Variants in COL26A1 observed in about 807,000 individuals in gnomAD.
COL26A1 encodes collagen alpha-1(XXVI) chain.
Under a neutral mutation model 59.3 loss-of-function variants are expected in COL26A1, and 41 were observed. That is an observed-to-expected ratio of 0.69 (90% CI 0.54 to 0.90). The LOEUF is 0.90. Ranked by LOEUF, COL26A1 falls within the 40% of genes least tolerant of loss-of-function variation. The probability of loss-of-function intolerance (pLI) is 0.00; values close to 1 mark genes in which losing one functional copy is unlikely to be tolerated. For synonymous variants in COL26A1, 266 were observed against 256.0 expected (o/e 1.04, Z -0.37); for missense variants, 612 against 602.3 (o/e 1.02, Z -0.17).
In COL26A1 at chr7:101,522,648, A is replaced by G. The variant is rs75190643; in HGVS notation, c.386-10434A>G. On this transcript the variant is annotated intron_variant, in intron 3 of 12. Coordinates refer to ENST00000313669, the MANE Select transcript of COL26A1 (RefSeq NM_001278563.3). ...TTATTATATCCTGGCTTGTATTTTC[A>G]TGGGAAGGGAGGAGATATCTGGGAA... 9.2e-5 allele frequency among the ~76,000 whole-genome samples: 14 copies of G among 152,214 alleles called. No individual in the cohort carries two copies. In the East Asian group the frequency reaches 9.6e-4, roughly 10 times the overall value.
At position 101,371,858 on chromosome 7, in the gene COL26A1, C is replaced by G. The variant is rs956729353; in HGVS notation, c.158+8668C>G. On this transcript the variant is annotated intron_variant, in intron 1 of 12. Coordinates refer to ENST00000313669, the MANE Select transcript of COL26A1 (RefSeq NM_001278563.3). ...GAGCTCAGAGACTGGTTGGGGAAAA[C>G]AGATCCATGAGCAAGAGTGGAATTT... Among the ~76,000 whole-genome samples, 76 of 152,090 alleles carry G rather than the reference C, an allele frequency of 5.0e-4. 1 individual carries two copies. Among genetic ancestry groups the G allele is most frequent in the Admixed American group, 1.1e-3 (17 of 15,258 alleles).
intron 2 of COL26A1, among the ~76,000 whole-genome samples, chr7:101,434,386 T>C (rs1055504595): frequency 3.3e-5 from 5 of 151,768 alleles, no homozygotes; most frequent in Admixed American, 6.6e-5. Context: ...CCCGAGTAGC[T>C]GGGACTACAG....
At position 101,408,966 on chromosome 7, in the gene COL26A1, C is replaced by G. The variant is rs115964356; in HGVS notation, c.159-11011C>G. On this transcript the variant is annotated intron_variant, in intron 1 of 12. Coordinates refer to ENST00000313669, the MANE Select transcript of COL26A1 (RefSeq NM_001278563.3). ...ACGTGCCAAGACCCAGATCGTCTGG[C>G]TGTTTAGCAAAGTGTCTAAGAGTTG... Among the ~76,000 whole-genome samples, 1,034 of 152,352 alleles carry G rather than the reference C, an allele frequency of 6.8e-3. 13 individuals are homozygous for G. The highest frequency in any genetic ancestry group is 0.023 in the African/African-American group (974 of 41,592).
At chr7:101,500,243 G>C (rs1041422922) in intron 3 of COL26A1, among the ~76,000 whole-genome samples, 23 of 147,128 alleles carry the variant, frequency 1.6e-4, no homozygotes, top group African/African-American at 5.3e-4. Context: ...ATTGCCGGGA[G>C]GGGGGGCAAG....
intron 1 of COL26A1, among the ~76,000 whole-genome samples, chr7:101,364,306 C>T (rs73713875): frequency 0.025 from 3,827 of 152,008 alleles, 153 homozygotes; most frequent in African/African-American, 0.08. Flanking sequence ...AATGCACTAC[C>T]TGTGTCTGTT....
Position 101,545,429 on chromosome 7 carries a change from C to A in COL26A1, c.795C>A (p.Gly265=). The change falls in exon 7 of 13, where the codon GGC becomes GGA. Residue 265 remains glycine (G), a synonymous_variant. Coordinates refer to ENST00000313669, the MANE Select transcript of COL26A1 (RefSeq NM_001278563.3). The part of the protein sequence containing the change: ...PGPPGPAGNP[G]PSPNSPQGAL... Reference sequence around the variant, plus strand: ...CACCCGGCCCAGCAGGCAACCCAGGCCCCTCACCAAACAGCCCCCAGGGCG... The same window carrying A: ...CACCCGGCCCAGCAGGCAACCCAGGACCCTCACCAAACAGCCCCCAGGGCG... The A allele has an allele frequency of 1.2e-6, 2 of 1,608,192 alleles. No individual in the cohort carries two copies. Among genetic ancestry groups the A allele is most frequent in the Non-Finnish European group, 1.7e-6 (2 of 1,177,942 alleles).
chr7:101,524,088 G>C (rs1795191501), intron 3 of COL26A1, among the ~76,000 whole-genome samples: 2 of 152,028 alleles, frequency 1.3e-5, no homozygotes, highest in Admixed American at 1.3e-4. Flanking sequence ...TGACCAACAT[G>C]GTGAAACCCT....
At chr7:101,446,879 AAG>A (rs1205544717) in intron 2 of COL26A1, among the ~76,000 whole-genome samples, 1 of 151,462 alleles carries the variant, frequency 6.6e-6, no homozygotes, top group African/African-American at 2.4e-5. Context: ...GAGAGAGAGA[AAG>A]AGTAATTTAC....
chr7:101,391,063 A>C (rs1241928616), intron 1 of COL26A1, among the ~76,000 whole-genome samples: 2 of 152,200 alleles, frequency 1.3e-5, no homozygotes, highest in Non-Finnish European at 2.9e-5. Flanking sequence ...TGGCTGTGGT[A>C]ACAGGAGCCT....
At chr7:101,534,450 C>T (rs1324705286) in intron 4 of COL26A1, among the ~76,000 whole-genome samples, 1 of 152,090 alleles carries the variant, frequency 6.6e-6, no homozygotes, top group Non-Finnish European at 1.5e-5. Context: ...ACATAGGCAC[C>T]TGTGCACACA....
At chr7:101,485,400 G>A (rs1418508848) in intron 3 of COL26A1, among the ~76,000 whole-genome samples, 2 of 152,160 alleles carry the variant, frequency 1.3e-5, no homozygotes, top group Non-Finnish European at 2.9e-5. Flanking sequence ...AGGCATGAAC[G>A]CTGAGTGACA....
At chr7:101,397,095 A>G (rs983338946) in intron 1 of COL26A1, among the ~76,000 whole-genome samples, 4 of 152,152 alleles carry the variant, frequency 2.6e-5, no homozygotes, top group Non-Finnish European at 4.4e-5. Context: ...TCCCTGTGCA[A>G]TGGGTGAAGT....
rs373941775 is a variant in COL26A1, at chr7:101,385,367, G to GTATATATATATATATATA, written c.158+22179_158+22196dup. Reference sequence around the variant, plus strand: ...TATATATATGTGTATATATATGTGTGTATATATATATATATATATTTGTGA... The same window carrying GTATATATATATATATATA: ...TATATATATGTGTATATATATGTGTGTATATATATATATATATATATATATATATATATATATTTGTGA... On this transcript the variant is annotated intron_variant, in intron 1 of 12. Coordinates refer to ENST00000313669, the MANE Select transcript of COL26A1 (RefSeq NM_001278563.3). Among the ~76,000 whole-genome samples, 852 of 136,920 alleles carry GTATATATATATATATATA rather than the reference G, an allele frequency of 6.2e-3. 16 individuals are homozygous for GTATATATATATATATATA. The highest frequency in any genetic ancestry group is 0.012 in the Admixed American group (164 of 13,474). The allele number at this position is 136,920 out of a possible 152,430, so 89.8% of individuals were successfully genotyped here.
chr7:101,453,887 C>T (rs1285223819), intron 3 of COL26A1, among the ~76,000 whole-genome samples: 1 of 152,182 alleles, frequency 6.6e-6, no homozygotes, highest in Non-Finnish European at 1.5e-5. Flanking sequence ...TCTCTGGAAA[C>T]AAGCAGGTCC....
Position 101,416,742 on chromosome 7 carries a change from T to C in COL26A1, c.159-3235T>C, listed in dbSNP as rs1792377696. ...GATAATGCATTTTTTTAATTTCATT[T>C]TTTTTGTGTGTGTATGTCACAGGGT... On this transcript the variant is annotated intron_variant, in intron 1 of 12. Coordinates refer to ENST00000313669, the MANE Select transcript of COL26A1 (RefSeq NM_001278563.3). 1.4e-5 allele frequency among the ~76,000 whole-genome samples: 2 copies of C among 143,560 alleles called. 1 individual carries two copies. The highest frequency in any genetic ancestry group is 3.2e-5 in the Non-Finnish European group (2 of 63,430). 94.2% of individuals were successfully genotyped at this position (143,560 alleles called of 152,430 possible).
intron 3 of COL26A1, among the ~76,000 whole-genome samples, chr7:101,517,556 TACTC>T (rs751780514): frequency 1.1e-4 from 16 of 152,232 alleles, no homozygotes; most frequent in Middle Eastern, 3.4e-3. Context: ...TCGCGAGACT[TACTC>T]ACTATCACGA....
At chr7:101,530,763 C>T (rs970304829) in intron 3 of COL26A1, among the ~76,000 whole-genome samples, 1 of 151,838 alleles carries the variant, frequency 6.6e-6, no homozygotes, top group Non-Finnish European at 1.5e-5. Context: ...TCCTCTGCCC[C>T]ATCTGGGGCA....
intron 1 of COL26A1, among the ~76,000 whole-genome samples, chr7:101,389,835 G>A (rs763844636): frequency 3.9e-5 from 6 of 152,028 alleles, no homozygotes; most frequent in Non-Finnish European, 7.4e-5. Flanking sequence ...TTACAGGCGT[G>A]AGCCACCGCG....
At chr7:101,501,229 A>G (rs966365366) in intron 3 of COL26A1, among the ~76,000 whole-genome samples, 1 of 151,616 alleles carries the variant, frequency 6.6e-6, no homozygotes, top group Non-Finnish European at 1.5e-5. Flanking sequence ...AAAAAAAAAA[A>G]AAAAGAAATG....
Sources: gnomAD v4.1 joint callset for allele counts (sites outside exome capture counted in the v4.1 genomes callset) on GRCh38, gnomAD v4.1.1 for gene constraint, MANE v1.5 for transcripts, NCBI Gene and HGNC (gene_info 2026-07-23, HGNC 2026-07-21) for gene names.